MECOM: variants seen among roughly 807,000 people sequenced by gnomAD.
MECOM encodes the protein MDS1 and EVI1 complex locus.
MECOM carries 13 observed loss-of-function variants against 116.3 expected under a neutral mutation model. The ratio of observed to expected loss-of-function variants is 0.11; its 90% CI spans 0.07 to 0.18. MECOM has a LOEUF of 0.18. MECOM is among the 10% of genes least tolerant of loss of function. The pLI, the probability that MECOM is intolerant of heterozygous loss-of-function variation, is 1.00. For missense variants in MECOM, 1,299 were observed against 1,509.0 expected (o/e 0.86, Z 2.31); for synonymous variants, 528 against 535.2 (o/e 0.99, Z 0.19).
At chr3:169,304,378 C>A (rs1323134433) in intron 2 of MECOM, among the ~76,000 whole-genome samples, 2 of 152,136 alleles carry the variant, frequency 1.3e-5, no homozygotes, top group Admixed American at 1.3e-4. Context: ...TTTTATGTAT[C>A]CTCAGTTCCT....
chr3:169,098,859 G>T (rs371979477), intron 12 of MECOM, among the ~76,000 whole-genome samples: 16 of 151,972 alleles, frequency 1.1e-4, no homozygotes, highest in South Asian at 4.2e-4. Context: ...AAGAGTTCTA[G>T]ATTTATTAAA....
Position 169,493,283 on chromosome 3 carries a change from T to C in MECOM, c.38-111759A>G, listed in dbSNP as rs534917179. ...TTATTTGATCAAGTAGCATGTCTCA[T>C]AAAACTTGATTCTAAATACCTGTGC... is the stretch of plus-strand genomic sequence containing the variant. On this transcript the variant is annotated intron_variant, in intron 1 of 16. Transcript: ENST00000651503. Among the ~76,000 whole-genome samples, 13 of 152,332 alleles carry C rather than the reference T, an allele frequency of 8.5e-5. No individual in the cohort carries two copies. In the East Asian group the frequency reaches 1.5e-3, roughly 18 times the overall value.
chr3:169,133,185 TTC>T (rs1407374701), intron 3 of MECOM, among the ~76,000 whole-genome samples: 3 of 152,092 alleles, frequency 2.0e-5, no homozygotes, highest in African/African-American at 7.2e-5. Context: ...TAAGAATATA[TTC>T]TTAGAAGATA....
chr3:169,450,724 C>T lies in MECOM; in HGVS notation c.38-69200G>A, dbSNP rs755515922. 1.3e-4 allele frequency among the ~76,000 whole-genome samples: 20 copies of T among 152,236 alleles called. No individual in the cohort carries two copies. The South Asian group carries it at 2.9e-3, about 22-fold the overall frequency. On this transcript the variant is annotated intron_variant, in intron 1 of 16. Transcript: ENST00000651503. ...AGATCCTGACAATGGATTTAGTCAA[C>T]GTGGCCAATCTCCCTACTTCCTTAC... is the stretch of plus-strand genomic sequence containing the variant.
intron 1 of MECOM, among the ~76,000 whole-genome samples, chr3:169,423,140 A>G (rs1740046758): frequency 6.6e-6 from 1 of 151,998 alleles, no homozygotes; most frequent in East Asian, 1.9e-4. Flanking sequence ...CTCCTAGGAG[A>G]TTCTAATGCT....
intron 1 of MECOM, among the ~76,000 whole-genome samples, chr3:169,603,220 G>A (rs1408085285): frequency 6.6e-6 from 1 of 152,092 alleles, no homozygotes; most frequent in Non-Finnish European, 1.5e-5. Context: ...CGTAGGCCTA[G>A]GCTAATGTGT....
rs73172088 is a variant in MECOM at position 169,413,490 on chromosome 3, A to C, written c.38-31966T>G. 8.7e-4 allele frequency among the ~76,000 whole-genome samples: 117 copies of C among 133,850 alleles called. 2 individuals are homozygous for C. The highest frequency in any genetic ancestry group is 8.4e-3 in the Admixed American group (111 of 13,210). The allele number at this position is 133,850 out of a possible 152,430, so 87.8% of individuals were successfully genotyped here. A position where few individuals can be genotyped will look rare whatever the true frequency, so the allele number is the denominator to read the frequency against. On this transcript the variant is annotated intron_variant, in intron 1 of 16. Coordinates refer to ENST00000651503, the MANE Select transcript of MECOM (RefSeq NM_004991.4). ...GAGTTTTTTTTTTGTTTTTTTTTTT[A>C]TTTTTTTTTTTGTACCCAAGTGGCA...
intron 1 of MECOM, among the ~76,000 whole-genome samples, chr3:169,482,261 C>T (rs1292465269): frequency 6.6e-6 from 1 of 151,798 alleles, no homozygotes; most frequent in Non-Finnish European, 1.5e-5. Context: ...GGCGTGTACT[C>T]GCCTGTGTCA....
chr3:169,601,000 A>G (rs1767771665), intron 1 of MECOM, among the ~76,000 whole-genome samples: 1 of 152,218 alleles, frequency 6.6e-6, no homozygotes, highest in African/African-American at 2.4e-5. Context: ...TCAAACTTCA[A>G]AAACTCCATT....
chr3:169,179,825 C>T (rs1296483208), intron 2 of MECOM, among the ~76,000 whole-genome samples: 1 of 152,028 alleles, frequency 6.6e-6, no homozygotes, highest in Non-Finnish European at 1.5e-5. Context: ...GTCCAGCAGC[C>T]GGTCTCTCTT....
chr3:169,654,480 T>A (rs1195067701), intron 1 of MECOM, among the ~76,000 whole-genome samples: 1 of 152,162 alleles, frequency 6.6e-6, no homozygotes, highest in Non-Finnish European at 1.5e-5. Flanking sequence ...ATCTGGACTC[T>A]CCTAGGAGGG....
intron 1 of MECOM, among the ~76,000 whole-genome samples, chr3:169,539,535 C>A (rs909878637): frequency 6.6e-6 from 1 of 152,114 alleles, no homozygotes; most frequent in African/African-American, 2.4e-5. Context: ...ATGTCACCAC[C>A]ACCCACTCAT....
chr3:169,300,395 A>G (rs752616661), intron 2 of MECOM, among the ~76,000 whole-genome samples: 4 of 152,258 alleles, frequency 2.6e-5, no homozygotes, highest in East Asian at 1.9e-4. Context: ...GAAAACATTT[A>G]TAAAATGATC....
intron 1 of MECOM, among the ~76,000 whole-genome samples, chr3:169,584,310 A>G (rs957058398): frequency 2.0e-5 from 3 of 152,132 alleles, no homozygotes; most frequent in Non-Finnish European, 4.4e-5. Context: ...TCACTCCTGT[A>G]ATCCCAGCAC....
chr3:169,472,633 A>AAAAGGAAAGG lies in MECOM; in HGVS notation c.38-91119_38-91110dup, dbSNP rs1293944139. On this transcript the variant is annotated intron_variant, in intron 1 of 16. Coordinates refer to ENST00000651503, the MANE Select transcript of MECOM (RefSeq NM_004991.4). ...GAAAGGAAAGAAAAGAAAAGAAAAGAAAAGGAAAGGAAAGGAAAAGAAAAG... is the reference window on the plus strand; with the variant it reads ...GAAAGGAAAGAAAAGAAAAGAAAAGAAAAGGAAAGGAAAGGAAAGGAAAGGAAAAGAAAAG... Among the ~76,000 whole-genome samples the AAAAGGAAAGG allele has an allele frequency of 3.8e-4, 23 of 60,326 alleles. 1 individual carries two copies. The highest frequency in any genetic ancestry group is 2.4e-3 in the African/African-American group (23 of 9,576). 39.6% of individuals were successfully genotyped at this position (60,326 alleles called of 152,430 possible).
At position 169,628,052 on chromosome 3, in the gene MECOM, A is replaced by AC. The variant is rs556151942; in HGVS notation, c.37+35283dup. Among the ~76,000 whole-genome samples the AC allele has an allele frequency of 2.8e-3, 419 of 152,240 alleles. 2 individuals are homozygous for AC. Among genetic ancestry groups the AC allele is most frequent in the African/African-American group, 9.8e-3 (407 of 41,522 alleles). Reference sequence around the variant, plus strand: ...GAAGCTGCTCTACATACCAAAGAGCACCCCCAGAGAGAACTTCAACCCTTT... The same window carrying AC: ...GAAGCTGCTCTACATACCAAAGAGCACCCCCCAGAGAGAACTTCAACCCTTT... On this transcript the variant is annotated intron_variant, in intron 1 of 16. Coordinates refer to ENST00000651503, the MANE Select transcript of MECOM (RefSeq NM_004991.4).
At chr3:169,326,308 T>G (rs1420413132) in intron 2 of MECOM, among the ~76,000 whole-genome samples, 1 of 152,190 alleles carries the variant, frequency 6.6e-6, no homozygotes, top group Non-Finnish European at 1.5e-5. Context: ...TTATGCCACC[T>G]GAACCCTTAC....
At chr3:169,353,008 A>G (rs919358752) in intron 2 of MECOM, among the ~76,000 whole-genome samples, 1 of 151,912 alleles carries the variant, frequency 6.6e-6, no homozygotes, top group East Asian at 1.9e-4. Flanking sequence ...GCCTCTCCCC[A>G]AAAGGGAAGT....
At chr3:169,462,077 T>C (rs77863432) in intron 1 of MECOM, among the ~76,000 whole-genome samples, 1 of 152,136 alleles carries the variant, frequency 6.6e-6, no homozygotes, top group Non-Finnish European at 1.5e-5. Context: ...CGCCAAACCC[T>C]GGTGGCATTC....
Sources: gnomAD v4.1 joint callset for allele counts (sites outside exome capture counted in the v4.1 genomes callset) on GRCh38, gnomAD v4.1.1 for gene constraint, MANE v1.5 for transcripts, NCBI Gene and HGNC (gene_info 2026-07-23, HGNC 2026-07-21) for gene names.